Variants in SCHIP1 observed in about 807,000 individuals in gnomAD.
The protein encoded by SCHIP1 is schwannomin-interacting protein 1.
SCHIP1 carries 8 observed loss-of-function variants against 29.7 expected under a neutral mutation model. The ratio of observed to expected loss-of-function variants is 0.27; its 90% CI spans 0.16 to 0.49. The LOEUF (loss-of-function observed/expected upper bound fraction) is 0.49, where lower values mean the gene tolerates loss of function less well. Ranked by LOEUF, SCHIP1 falls within the 20% of genes least tolerant of loss-of-function variation. The pLI is 0.99. For missense variants in SCHIP1, 193 were observed against 294.6 expected, an observed-to-expected ratio of 0.66 and a Z score of 2.52; for synonymous variants, 76 against 94.9, an observed-to-expected ratio of 0.80 and a Z score of 1.16.
In SCHIP1 at chr3:159,841,847, T is replaced by G. The variant is rs1744253186; in HGVS notation, c.30+1633T>G. 2.0e-5 allele frequency among the ~76,000 whole-genome samples: 3 copies of G among 152,244 alleles called. No individual in the cohort carries two copies. The South Asian group carries it at 6.2e-4, about 32-fold the overall frequency. On this transcript the variant is annotated intron_variant, in intron 1 of 6. Coordinates refer to ENST00000445224, the Ensembl canonical transcript of SCHIP1. ...TCACAATAAAATTAAGTGTATTGGT[T>G]GGGTAATAATGGTCAATAGATTTTG...
the SCHIP1 span, among the ~76,000 whole-genome samples, chr3:159,832,995 A>T: frequency 6.6e-6 from 1 of 152,218 alleles, no homozygotes; most frequent in African/African-American, 2.4e-5. Context: ...AAACTTTATC[A>T]CAGATATGTA....
At chr3:159,820,728 C>T in the SCHIP1 span, among the ~76,000 whole-genome samples, 1 of 151,942 alleles carries the variant, frequency 6.6e-6, no homozygotes, top group Non-Finnish European at 1.5e-5. Context: ...TGGAAATGAG[C>T]AGTAGGTGGT....
the SCHIP1 span, among the ~76,000 whole-genome samples, chr3:159,345,568 C>G: frequency 2.0e-5 from 3 of 151,946 alleles, no homozygotes; most frequent in Non-Finnish European, 4.4e-5. Context: ...CTCTCTCTCT[C>G]TCTCTCTCTC....
chr3:159,550,539 T>C, the SCHIP1 span, among the ~76,000 whole-genome samples: 2 of 152,028 alleles, frequency 1.3e-5, no homozygotes, highest in Non-Finnish European at 2.9e-5. Context: ...AGCTTTCTTT[T>C]GCTTAGTGTT....
At chr3:159,746,568 A>G in the SCHIP1 span, among the ~76,000 whole-genome samples, 1 of 152,116 alleles carries the variant, frequency 6.6e-6, no homozygotes. Flanking sequence ...TTTCAACATC[A>G]GTCAACACAC....
At chr3:159,743,784 T>C in the SCHIP1 span, among the ~76,000 whole-genome samples, 1 of 152,204 alleles carries the variant, frequency 6.6e-6, no homozygotes, top group Non-Finnish European at 1.5e-5. Flanking sequence ...GGTTTGATAC[T>C]GTACTGTGGT....
the SCHIP1 span, among the ~76,000 whole-genome samples, chr3:159,586,708 A>G: frequency 6.6e-6 from 1 of 152,024 alleles, no homozygotes; most frequent in South Asian, 2.1e-4. Context: ...GAAAGATCCA[A>G]TTTCCATGCT....
At chr3:159,350,834 T>G in the SCHIP1 span, among the ~76,000 whole-genome samples, 6 of 152,134 alleles carry the variant, frequency 3.9e-5, no homozygotes, top group Non-Finnish European at 7.4e-5. Context: ...ATAGCCCTCA[T>G]GTAGTACATT....
chr3:159,493,125 A>C, the SCHIP1 span, among the ~76,000 whole-genome samples: 539 of 152,286 alleles, frequency 3.5e-3, 3 homozygotes, highest in South Asian at 7.9e-3. Flanking sequence ...AAGGAACAAC[A>C]AGTACCAGCC....
At chr3:159,652,313 T>C in the SCHIP1 span, among the ~76,000 whole-genome samples, 3 of 152,316 alleles carry the variant, frequency 2.0e-5, no homozygotes, top group Non-Finnish European at 4.4e-5. Context: ...CTTGGTAAGG[T>C]AGTGATTGGT....
the SCHIP1 span, among the ~76,000 whole-genome samples, chr3:159,458,920 A>G: frequency 6.6e-6 from 1 of 152,212 alleles, no homozygotes; most frequent in African/African-American, 2.4e-5. Context: ...CTCTGATGAA[A>G]TAAGGGGTTT....
the SCHIP1 span, among the ~76,000 whole-genome samples, chr3:159,720,697 G>C: frequency 6.6e-6 from 1 of 151,868 alleles, no homozygotes; most frequent in Admixed American, 6.6e-5. Flanking sequence ...CAATCCTCCC[G>C]CCTCAGCCTC....
the SCHIP1 span, among the ~76,000 whole-genome samples, chr3:159,708,842 C>T: frequency 6.6e-6 from 1 of 152,216 alleles, no homozygotes; most frequent in East Asian, 1.9e-4. Context: ...TCTTCCAACA[C>T]AGCTAATGTA....
At chr3:159,471,339 A>G in the SCHIP1 span, among the ~76,000 whole-genome samples, 2 of 152,176 alleles carry the variant, frequency 1.3e-5, no homozygotes, top group Non-Finnish European at 2.9e-5. Flanking sequence ...AATATGCAGT[A>G]AAAAGCGGCC....
intron 2 of SCHIP1, among the ~76,000 whole-genome samples, chr3:159,882,077 G>A (rs1051448367): frequency 6.6e-6 from 1 of 152,194 alleles, no homozygotes; most frequent in Non-Finnish European, 1.5e-5. Context: ...CCAGCCCAGG[G>A]CTAGGGAAAT....
intron 2 of SCHIP1, among the ~76,000 whole-genome samples, chr3:159,876,574 T>C (rs369414283): frequency 6.6e-6 from 1 of 152,224 alleles, no homozygotes; most frequent in East Asian, 1.9e-4. Flanking sequence ...TTAGACACCA[T>C]TGATTGTAAG....
At chr3:159,298,114 T>C in the SCHIP1 span, among the ~76,000 whole-genome samples, 7 of 152,230 alleles carry the variant, frequency 4.6e-5, no homozygotes, top group Non-Finnish European at 5.9e-5. Flanking sequence ...ACCCCCAGTA[T>C]GTATTTATTG....
the SCHIP1 span, among the ~76,000 whole-genome samples, chr3:159,531,576 A>G: frequency 1.3e-5 from 2 of 152,250 alleles, no homozygotes; most frequent in African/African-American, 4.8e-5. Context: ...CTGATGGGCC[A>G]GTGACTAAAT....
chr3:159,351,081 A>C, the SCHIP1 span, among the ~76,000 whole-genome samples: 1 of 152,204 alleles, frequency 6.6e-6, no homozygotes, highest in South Asian at 2.1e-4. Context: ...AGCTCTTTAG[A>C]GACCCAAGAT....
Sources: allele counts gnomAD v4.1 joint callset (sites outside exome capture counted in the v4.1 genomes callset), GRCh38; gene constraint gnomAD v4.1.1; transcripts MANE v1.5; gene names NCBI Gene and HGNC (gene_info 2026-07-23, HGNC 2026-07-21).